ARHGEF26: variants seen among roughly 807,000 people sequenced by gnomAD.
ARHGEF26 encodes Rho guanine nucleotide exchange factor 26.
A neutral mutation model predicts 89.4 loss-of-function variants in ARHGEF26; 59 were observed. That is an observed-to-expected ratio of 0.66 (90% CI 0.54 to 0.82). ARHGEF26 has a LOEUF of 0.82. ARHGEF26 is among the 40% of genes least tolerant of loss of function. The pLI, the probability that ARHGEF26 is intolerant of heterozygous loss-of-function variation, is 0.00. For missense variants in ARHGEF26, 1,234 were observed against 1,085.6 expected (o/e 1.14, Z -1.92); for synonymous variants, 500 against 428.4 (o/e 1.17, Z -2.06).
At chr3:154,199,317 T>G (rs1362879310) in intron 9 of ARHGEF26, among the ~76,000 whole-genome samples, 1 of 152,156 alleles carries the variant, frequency 6.6e-6, no homozygotes, top group East Asian at 1.9e-4. Flanking sequence ...CATGTAATGT[T>G]TGTCTTTCTG....
At chr3:154,155,378 A>G (rs1720271680) in intron 6 of ARHGEF26, among the ~76,000 whole-genome samples, 1 of 152,036 alleles carries the variant, frequency 6.6e-6, no homozygotes, top group Non-Finnish European at 1.5e-5. Context: ...TAGATCAGCA[A>G]TGTTAACATG....
intron 12 of ARHGEF26, among the ~76,000 whole-genome samples, chr3:154,250,363 G>A (rs1718060929): frequency 6.6e-6 from 1 of 151,866 alleles, no homozygotes; most frequent in Non-Finnish European, 1.5e-5. Context: ...GGGAAGTCCT[G>A]TGGATTTGAC....
At chr3:154,179,412 A>G (rs1181007933) in intron 6 of ARHGEF26, among the ~76,000 whole-genome samples, 1 of 152,200 alleles carries the variant, frequency 6.6e-6, no homozygotes, top group African/African-American at 2.4e-5. Flanking sequence ...AGTATCTTTC[A>G]GAGAATCTGC....
chr3:154,229,012 C>T (rs191503213), intron 11 of ARHGEF26, among the ~76,000 whole-genome samples: 7 of 152,184 alleles, frequency 4.6e-5, no homozygotes, highest in South Asian at 2.1e-4. Flanking sequence ...CTTCCTCCTC[C>T]GATCCAGACT....
chr3:154,195,688 A>G (rs560233290), intron 9 of ARHGEF26, among the ~76,000 whole-genome samples: 3 of 152,314 alleles, frequency 2.0e-5, no homozygotes, highest in African/African-American at 7.2e-5. Context: ...TTGTGTTGTC[A>G]TTGAGATTCC....
chr3:154,219,866 A>G (rs963356532), intron 10 of ARHGEF26, among the ~76,000 whole-genome samples: 3 of 151,982 alleles, frequency 2.0e-5, no homozygotes, highest in African/African-American at 7.3e-5. Context: ...GTGAGCCGAG[A>G]TCGTGCCACT....
intron 10 of ARHGEF26, chr3:154,225,635 TTAATAG>T (rs573926450): frequency 6.2e-4 from 243 of 390,302 alleles, no homozygotes; most frequent in South Asian, 1.7e-3. Flanking sequence ...TATTGGGAAG[TTAATAG>T]TTTTTTATAG....
Position 154,218,763 on chromosome 3 carries a change from T to G in ARHGEF26, c.1935+805T>G, listed in dbSNP as rs1191269428. Among the ~76,000 whole-genome samples the G allele has an allele frequency of 3.3e-5, 5 of 152,374 alleles. 1 individual carries two copies. The highest frequency in any genetic ancestry group is 2.4e-5 in the African/African-American group (1 of 41,596). ...CCATGTCATGTAGTTTGAGGATTACTGCATGCTTGCTTTGGCAGCATATAT... is the reference window on the plus strand; with the variant it reads ...CCATGTCATGTAGTTTGAGGATTACGGCATGCTTGCTTTGGCAGCATATAT... On this transcript the variant is annotated intron_variant, in intron 10 of 14. Coordinates refer to ENST00000465093, the MANE Select transcript of ARHGEF26 (RefSeq NM_015595.4).
rs1322946849 is a variant in ARHGEF26 at position 154,253,130 on chromosome 3, G to A, written c.2315G>A (p.Arg772His). The change falls in exon 13 of 15, where the codon CGC becomes CAC. Residue 772 changes from arginine to histidine, a missense_variant. By Grantham distance (29) the Arg-to-His change is conservative. Transcript: ENST00000465093. The part of the protein sequence containing the change: ...LGAETQSERA[R>H]WITALGHSSG... ...CTCTGTTTTAGGAGCGAGCGAGCCCGCTGGATAACTGCCCTGGGACACAGC... is the reference window on the plus strand; with the variant it reads ...CTCTGTTTTAGGAGCGAGCGAGCCCACTGGATAACTGCCCTGGGACACAGC... The A allele has an allele frequency of 4.3e-6, 7 of 1,614,000 alleles. No homozygotes were observed. The highest frequency in any genetic ancestry group is 3.3e-5 in the South Asian group (3 of 91,082).
At chr3:154,147,998 C>A (rs1409791721) in intron 4 of ARHGEF26, among the ~76,000 whole-genome samples, 2 of 152,164 alleles carry the variant, frequency 1.3e-5, no homozygotes, top group Non-Finnish European at 2.9e-5. Flanking sequence ...CTGTTCATGA[C>A]CTTCTACCTC....
Position 154,256,913 on chromosome 3 carries a change from TGAA to T in ARHGEF26, c.*1442_*1444del, listed in dbSNP as rs752385794. The stretch of plus-strand genomic sequence containing the variant: ...ATCTTAATAGTCGGTTTCATGGAGA[TGAA>T]GGATGGGAGATTAAGAGGGGGGAAA... On this transcript the variant is annotated 3_prime_UTR_variant, in exon 15 of 15. Coordinates refer to ENST00000465093, the MANE Select transcript of ARHGEF26 (RefSeq NM_015595.4). The T allele has an allele frequency of 7.6e-5, 116 of 1,534,916 alleles. No individual in the cohort carries two copies. Among genetic ancestry groups the T allele is most frequent in the Non-Finnish European group, 9.6e-5 (110 of 1,146,604 alleles).
chr3:154,239,285 AGAGAGAGAGAGAGAGTGTGT>A (rs1717323959), intron 11 of ARHGEF26, among the ~76,000 whole-genome samples: 4 of 104,350 alleles, frequency 3.8e-5, no homozygotes, highest in African/African-American at 7.5e-5. Flanking sequence ...AGAGAGAGAG[AGAGAGAGAGAGAGAGTGTGT>A]GTGTGTGTGT....
intron 3 of ARHGEF26, among the ~76,000 whole-genome samples, chr3:154,125,623 T>C (rs1718284656): frequency 6.6e-6 from 1 of 152,178 alleles, no homozygotes; most frequent in African/African-American, 2.4e-5. Flanking sequence ...GAATTTGATA[T>C]TTATTTTGTG....
intron 6 of ARHGEF26, among the ~76,000 whole-genome samples, chr3:154,179,792 G>A (rs1713070300): frequency 6.6e-6 from 1 of 152,144 alleles, no homozygotes; most frequent in African/African-American, 2.4e-5. Flanking sequence ...GGAACAAGAG[G>A]TTAGAAGAGA....
chr3:154,252,333 T>C (rs969056744), intron 12 of ARHGEF26, among the ~76,000 whole-genome samples: 1 of 152,170 alleles, frequency 6.6e-6, no homozygotes, highest in Admixed American at 6.5e-5. Context: ...GTAGCATGTG[T>C]TTAATAAATA....
intron 10 of ARHGEF26, among the ~76,000 whole-genome samples, chr3:154,222,933 G>A (rs931543996): frequency 2.0e-5 from 3 of 152,118 alleles, no homozygotes; most frequent in African/African-American, 7.2e-5. Flanking sequence ...TGGGAGGAAA[G>A]AAAATGATGG....
chr3:154,234,313 G>A (rs751355029), intron 11 of ARHGEF26, among the ~76,000 whole-genome samples: 6 of 152,026 alleles, frequency 3.9e-5, no homozygotes, highest in African/African-American at 7.2e-5. Flanking sequence ...CTGTTCATCC[G>A]TATTAAGTAT....
At chr3:154,241,239 G>T (rs181443) in intron 12 of ARHGEF26, among the ~76,000 whole-genome samples, 106,169 of 151,904 alleles carry the variant, frequency 0.7, 37,602 homozygotes, top group South Asian at 0.78. Flanking sequence ...CAATGTTTTT[G>T]TTTAGAAACT....
chr3:154,122,486 T>C lies in ARHGEF26; in HGVS notation c.494T>C (p.Leu165Ser), dbSNP rs758904993. Residue 165 changes from leucine (L) to serine (S), a missense_variant, in exon 2 of 15, where the codon TTG (leucine) becomes TCG (serine). By Grantham distance (145) the Leu-to-Ser change is moderately radical (BLOSUM62 -2). Transcript: ENST00000465093. ...ACCCCCGAGGAGGACCTTACTGGGTTGACTGCCAGCCCGGTGCCTTCGCCC... is the reference window on the plus strand; with the variant it reads ...ACCCCCGAGGAGGACCTTACTGGGTCGACTGCCAGCCCGGTGCCTTCGCCC... ...PCTPEEDLTG[L>S]TASPVPSPTA... is the part of the protein sequence containing the mutation. 9.3e-6 allele frequency: 15 copies of C among 1,612,860 alleles called. No individual in the cohort carries two copies. The highest frequency in any genetic ancestry group is 2.2e-5 in the South Asian group (2 of 91,058).
Sources: gnomAD v4.1 joint callset for allele counts (sites outside exome capture counted in the v4.1 genomes callset) on GRCh38, gnomAD v4.1.1 for gene constraint, MANE v1.5 for transcripts, NCBI Gene and HGNC (gene_info 2026-07-23, HGNC 2026-07-21) for gene names.